Variants in RBFOX1 observed in about 807,000 individuals in gnomAD.
The protein encoded by RBFOX1 is RNA binding protein fox-1 homolog 1.
Under a neutral mutation model 57.7 loss-of-function variants are expected in RBFOX1, and 8 were observed. The observed-to-expected ratio is 0.14, with a 90% CI of 0.08 to 0.25. The LOEUF (loss-of-function observed/expected upper bound fraction) is 0.25. Ranked by LOEUF, RBFOX1 falls within the 10% of genes least tolerant of loss-of-function variation. RBFOX1 has a pLI of 1.00. For missense variants in RBFOX1, 611 were observed against 548.5 expected (o/e 1.11, Z -1.14); for synonymous variants, 326 against 222.4 (o/e 1.47, Z -4.15).
At chr16:6,285,595 G>T (rs2076822396) in intron 1 of RBFOX1, among the ~76,000 whole-genome samples, 1 of 152,134 alleles carries the variant, frequency 6.6e-6, no homozygotes, top group Non-Finnish European at 1.5e-5. Context: ...AATAGCTTCT[G>T]CTTTTTGTTC....
At chr16:7,136,937 C>G (rs940506771) in intron 4 of RBFOX1, among the ~76,000 whole-genome samples, 1 of 152,224 alleles carries the variant, frequency 6.6e-6, no homozygotes. Flanking sequence ...CCCTTTCATT[C>G]CTCGTCATGG....
intron 4 of RBFOX1, among the ~76,000 whole-genome samples, chr16:7,197,961 G>T (rs149685861): frequency 7.1e-6 from 1 of 140,078 alleles, no homozygotes; most frequent in African/African-American, 2.7e-5. Flanking sequence ...TTTTTCCCCC[G>T]TTCCACTCAG....
intron 5 of RBFOX1, among the ~76,000 whole-genome samples, chr16:7,561,874 T>C (rs901634857): frequency 6.6e-6 from 1 of 152,128 alleles, no homozygotes; most frequent in African/African-American, 2.4e-5. Context: ...TTGCATAATA[T>C]ATTAGGGGGG....
chr16:7,704,954 G>C (rs1205965331), intron 14 of RBFOX1, among the ~76,000 whole-genome samples: 1 of 151,018 alleles, frequency 6.6e-6, no homozygotes, highest in Non-Finnish European at 1.5e-5. Context: ...GGCTGAGGCA[G>C]AATCGCTTGA....
At position 5,366,842 on chromosome 16, in the gene RBFOX1, G is replaced by A. The variant is rs185451864; in HGVS notation, c.220-100374G>A. The stretch of plus-strand genomic sequence containing the variant: ...CAGGTTTCATTGCCAAGAATGTGTT[G>A]TCCAAAATGCCTGTTTAGTTTTTAA... On this transcript the variant is annotated intron_variant, in intron 1 of 2. Transcript: ENST00000585867. 4.6e-5 allele frequency among the ~76,000 whole-genome samples: 7 copies of A among 152,278 alleles called. No individual in the cohort carries two copies. In the South Asian group the frequency reaches 1.2e-3, roughly 27 times the overall value.
At chr16:5,423,544 C>T (rs1371087941) in intron 1 of RBFOX1, among the ~76,000 whole-genome samples, 2 of 152,178 alleles carry the variant, frequency 1.3e-5, no homozygotes, top group Non-Finnish European at 1.5e-5. Flanking sequence ...GCCAGGCCTA[C>T]CCTGGGCTGT....
rs150195910 is a variant in RBFOX1 at position 6,408,394 on chromosome 16, G to A, written c.-64+91337G>A. ...TAATGTATGATTTCATTTAGAATCC[G>A]GGAGCCAATGGTTAGTGTTTTTTAA... On this transcript the variant is annotated intron_variant, in intron 2 of 15. Transcript: ENST00000550418. Among the ~76,000 whole-genome samples, 24 of 152,226 alleles carry A rather than the reference G, an allele frequency of 1.6e-4. No homozygotes were observed. The East Asian group carries it at 3.5e-3, about 22-fold the overall frequency.
chr16:5,372,631 G>A (rs562911357), intron 1 of RBFOX1, among the ~76,000 whole-genome samples: 1 of 152,224 alleles, frequency 6.6e-6, no homozygotes, highest in Admixed American at 6.5e-5. Flanking sequence ...CTCTACTATC[G>A]TGGCAGCTTC....
intron 11 of RBFOX1, among the ~76,000 whole-genome samples, chr16:7,633,144 C>T (rs73490677): frequency 4.6e-5 from 7 of 152,030 alleles, no homozygotes; most frequent in African/African-American, 1.2e-4. Context: ...AAAACAAAAA[C>T]AAAGAATGTG....
chr16:6,850,174 C>G (rs140671981), intron 3 of RBFOX1, among the ~76,000 whole-genome samples: 1 of 152,062 alleles, frequency 6.6e-6, no homozygotes, highest in African/African-American at 2.4e-5. Context: ...ATCATTTAGT[C>G]CTTCATTCAG....
At chr16:5,662,848 A>T (rs1262769720) in intron 3 of RBFOX1, among the ~76,000 whole-genome samples, 1 of 152,214 alleles carries the variant, frequency 6.6e-6, no homozygotes, top group Non-Finnish European at 1.5e-5. Flanking sequence ...TTATCTGCAT[A>T]ATGAGAATAG....
At chr16:6,987,076 C>T (rs117864515) in intron 3 of RBFOX1, among the ~76,000 whole-genome samples, 25 of 152,184 alleles carry the variant, frequency 1.6e-4, no homozygotes, top group Non-Finnish European at 2.8e-4. Flanking sequence ...GGGCATCATC[C>T]AAGCGATCTA....
intron 3 of RBFOX1, among the ~76,000 whole-genome samples, chr16:6,978,181 G>A (rs1387959926): frequency 6.6e-6 from 1 of 152,108 alleles, no homozygotes; most frequent in Non-Finnish European, 1.5e-5. Context: ...GAGGTAATTA[G>A]CCAGCCTTGA....
intron 3 of RBFOX1, among the ~76,000 whole-genome samples, chr16:6,791,205 C>A (rs989842858): frequency 6.6e-6 from 1 of 152,134 alleles, no homozygotes; most frequent in Non-Finnish European, 1.5e-5. Context: ...CCACACCCGG[C>A]CTGTTCTTGT....
intron 1 of RBFOX1, among the ~76,000 whole-genome samples, chr16:5,424,911 C>G (rs200702913): frequency 3.9e-5 from 4 of 102,506 alleles, no homozygotes; most frequent in Non-Finnish European, 5.9e-5. Flanking sequence ...TTCTTTCTTT[C>G]TTTCTTTCTT....
intron 3 of RBFOX1, among the ~76,000 whole-genome samples, chr16:7,046,249 TG>T (rs2092704995): frequency 6.6e-6 from 1 of 151,506 alleles, no homozygotes; most frequent in Admixed American, 6.6e-5. Context: ...TGTGTGTGTG[TG>T]TGTGTGTGTG....
chr16:7,534,061 T>C lies in RBFOX1; in HGVS notation c.270+15672T>C, dbSNP rs1056906509. Among the ~76,000 whole-genome samples, 29 of 151,308 alleles carry C rather than the reference T, an allele frequency of 1.9e-4. 1 individual carries two copies. Among genetic ancestry groups the C allele is most frequent in the African/African-American group, 6.1e-4 (25 of 41,268 alleles). On this transcript the variant is annotated intron_variant, in intron 5 of 15. Coordinates refer to ENST00000550418, the MANE Select transcript of RBFOX1 (RefSeq NM_018723.4). ...GGAACTCAGATCCAGCCCTGATTCA[T>C]GTCAAAGGTCCCAACGTTTTTTTTC...
intron 3 of RBFOX1, among the ~76,000 whole-genome samples, chr16:5,776,372 C>G (rs982503917): frequency 5.9e-5 from 9 of 152,302 alleles, no homozygotes; most frequent in African/African-American, 2.2e-4. Context: ...ATGTTGCATT[C>G]CTTCAGCAGC....
At chr16:6,453,981 G>A (rs539675975) in intron 2 of RBFOX1, among the ~76,000 whole-genome samples, 1 of 152,204 alleles carries the variant, frequency 6.6e-6, no homozygotes. Flanking sequence ...CGTTGGCATG[G>A]TTGGTTTGTT....
Sources: gnomAD v4.1 joint callset for allele counts (sites outside exome capture counted in the v4.1 genomes callset) on GRCh38, gnomAD v4.1.1 for gene constraint, MANE v1.5 for transcripts, NCBI Gene and HGNC (gene_info 2026-07-23, HGNC 2026-07-21) for gene names.